The following CELF1 variants were observed in gnomAD, a reference collection of about 807,000 sequenced individuals.
CELF1 encodes the protein CUGBP Elav-like family member 1.
In CELF1, 10 loss-of-function variants were observed where a neutral mutation model predicts 61.8. The observed-to-expected ratio is 0.16, with a 90% CI of 0.10 to 0.27. The LOEUF (loss-of-function observed/expected upper bound fraction) is 0.27, where lower values mean the gene tolerates loss of function less well. Among genes scored for constraint, CELF1 ranks in the 10% least tolerant of loss-of-function variants. The pLI is 1.00. For synonymous variants in CELF1, 236 were observed against 225.1 expected (o/e 1.05, Z -0.43); for missense variants, 380 against 639.1 (o/e 0.59, Z 4.37).
intron 3 of CELF1, among the ~76,000 whole-genome samples, chr11:47,494,892 T>A (rs1467007227): frequency 6.6e-6 from 1 of 152,210 alleles, no homozygotes; most frequent in Non-Finnish European, 1.5e-5. Context: ...GGCTACTGTA[T>A]GAGACAGAGA....
rs1160695343 is a variant in CELF1, at chr11:47,473,141, A to G, written c.1364T>C (p.Val455Ala). ...GTCTATGAAAACCTTGGCAGACACG[A>G]CATTCCCAAAGGGCATAAACATCTG... ...LLQMFMPFGNVVSAKVFIDKQ... is the reference protein window; with the variant it reads ...LLQMFMPFGNAVSAKVFIDKQ... Residue 455 changes from valine (V) to alanine (A), a missense_variant, in exon 14 of 15, where the codon GTC becomes GCC. Physicochemically the swap from Val to Ala is moderately conservative, Grantham distance 64. Transcript: ENST00000687097. The G allele has an allele frequency of 6.2e-7, 1 of 1,614,170 alleles. No homozygotes were observed. Among genetic ancestry groups the G allele is most frequent in the Admixed American group, 1.7e-5 (1 of 60,020 alleles).
chr11:47,531,468 C>A (rs2153691132), intron 1 of CELF1, among the ~76,000 whole-genome samples: 1 of 152,152 alleles, frequency 6.6e-6, no homozygotes, highest in East Asian at 1.9e-4. Flanking sequence ...ACTCTGGGGG[C>A]TGAGGTAGGA....
At chr11:47,544,060 T>C (rs567511819) in intron 1 of CELF1, among the ~76,000 whole-genome samples, 1 of 152,208 alleles carries the variant, frequency 6.6e-6, no homozygotes, top group Non-Finnish European at 1.5e-5. Flanking sequence ...ACCCAAGTAT[T>C]CCACAAGGAA....
chr11:47,480,323 G>A (rs1249975767), intron 9 of CELF1, among the ~76,000 whole-genome samples: 1 of 152,136 alleles, frequency 6.6e-6, no homozygotes, highest in Non-Finnish European at 1.5e-5. Flanking sequence ...CTAACCTCAG[G>A]TGATTTGCCT....
intron 1 of CELF1, among the ~76,000 whole-genome samples, chr11:47,546,415 C>T (rs896299387): frequency 1.2e-4 from 18 of 151,852 alleles, no homozygotes; most frequent in South Asian, 2.1e-4. Context: ...TACAGGCATG[C>T]GCCACCACAC....
chr11:47,513,237 A>G (rs969624520), intron 1 of CELF1, among the ~76,000 whole-genome samples: 6 of 152,240 alleles, frequency 3.9e-5, no homozygotes, highest in African/African-American at 1.4e-4. Flanking sequence ...TTAGTGAACT[A>G]TGTTTCAACT....
chr11:47,507,506 CA>C (rs2094607438), intron 1 of CELF1, among the ~76,000 whole-genome samples: 1 of 151,826 alleles, frequency 6.6e-6, no homozygotes, highest in Non-Finnish European at 1.5e-5. Flanking sequence ...ATGGTAAAAG[CA>C]AACAGAGGAA....
At chr11:47,494,444 C>T (rs2092654006) in intron 3 of CELF1, 1 of 982,602 alleles carries the variant, frequency 1.0e-6, no homozygotes, top group Admixed American at 6.2e-5. Flanking sequence ...CTGAAACATA[C>T]TATGAGAAAA....
chr11:47,560,312 C>T (rs1421741220), intron 2 of CELF1, among the ~76,000 whole-genome samples: 2 of 151,762 alleles, frequency 1.3e-5, no homozygotes, highest in Admixed American at 6.6e-5. Flanking sequence ...ACAGAAAAGG[C>T]CAGAGGCATG....
intron 3 of CELF1, among the ~76,000 whole-genome samples, chr11:47,489,451 A>G (rs574313142): frequency 6.6e-6 from 1 of 152,368 alleles, no homozygotes; most frequent in Non-Finnish European, 1.5e-5. Flanking sequence ...AGAACACTTC[A>G]ATGTATACAA....
chr11:47,534,255 C>G (rs1424532278), intron 1 of CELF1, among the ~76,000 whole-genome samples: 1 of 150,960 alleles, frequency 6.6e-6, no homozygotes, highest in Non-Finnish European at 1.5e-5. Flanking sequence ...GTCTCGAACT[C>G]CTGACCTCAG....
chr11:47,469,410 A>G lies in CELF1; in HGVS notation c.*2820T>C, dbSNP rs1014823265. The G allele has an allele frequency of 6.6e-6, 1 of 152,292 alleles. No individual in the cohort carries two copies. The highest frequency in any genetic ancestry group is 1.5e-5 in the Non-Finnish European group (1 of 68,064). The allele number at this position is 152,292 out of a possible 1,614,324, so 9.4% of individuals were successfully genotyped here. A position where few individuals can be genotyped will look rare whatever the true frequency, so the allele number is the denominator to read the frequency against. On this transcript the variant is annotated 3_prime_UTR_variant, in exon 15 of 15. Coordinates refer to ENST00000687097, the MANE Select transcript of CELF1 (RefSeq NM_001376376.1). The stretch of plus-strand genomic sequence containing the variant: ...ACAGTGGTCTGGCTGCATTCAAGGC[A>G]AATCAATTTCATGATGTAACCCAAG...
chr11:47,565,094 T>G (rs1483762710), intron 1 of CELF1, among the ~76,000 whole-genome samples: 1 of 152,022 alleles, frequency 6.6e-6, no homozygotes, highest in Non-Finnish European at 1.5e-5. Context: ...GCCCTTCCAC[T>G]GTCCTCTTCA....
chr11:47,495,952 C>T (rs2093010103), intron 3 of CELF1: 1 of 984,318 alleles, frequency 1.0e-6, no homozygotes, highest in Admixed American at 6.1e-5. Context: ...CCAATCCCTC[C>T]ACCTCCCCAG....
intron 6 of CELF1, among the ~76,000 whole-genome samples, chr11:47,486,449 G>T (rs2087168391): frequency 6.6e-6 from 1 of 150,812 alleles, no homozygotes; most frequent in Non-Finnish European, 1.5e-5. Flanking sequence ...TCACTCTGTT[G>T]CCTGGGCGGG....
intron 1 of CELF1, among the ~76,000 whole-genome samples, chr11:47,526,021 C>T (rs1356966405): frequency 6.6e-6 from 1 of 152,030 alleles, no homozygotes; most frequent in Non-Finnish European, 1.5e-5. Context: ...ATCCCACCTA[C>T]CAGAACTCTC....
At chr11:47,550,147 T>C (rs1422942531) in intron 1 of CELF1, among the ~76,000 whole-genome samples, 1 of 152,100 alleles carries the variant, frequency 6.6e-6, no homozygotes, top group Non-Finnish European at 1.5e-5. Context: ...TTTTAAAATG[T>C]AGGCCAGGCT....
chr11:47,482,304 AAAGAC>A (rs2083786641), intron 9 of CELF1: 2 of 156,120 alleles, frequency 1.3e-5, no homozygotes, highest in African/African-American at 4.8e-5. Context: ...ACTCTTTAGG[AAAGAC>A]TCAATAAGGA....
chr11:47,536,676 C>G (rs1010449337), intron 1 of CELF1, among the ~76,000 whole-genome samples: 1 of 152,152 alleles, frequency 6.6e-6, no homozygotes, highest in Non-Finnish European at 1.5e-5. Context: ...GAGGCAGTTA[C>G]TTGAACCTGG....
Sources: gnomAD v4.1 joint callset for allele counts (sites outside exome capture counted in the v4.1 genomes callset) on GRCh38, gnomAD v4.1.1 for gene constraint, MANE v1.5 for transcripts, NCBI Gene and HGNC (gene_info 2026-07-23, HGNC 2026-07-21) for gene names.